Variants in PCDH15 observed in about 807,000 individuals in gnomAD.
PCDH15 encodes protocadherin-15.
Under a neutral mutation model 178.5 loss-of-function variants are expected in PCDH15, and 129 were observed. That is an observed-to-expected ratio of 0.72 (90% CI 0.63 to 0.84). PCDH15 has a LOEUF of 0.84. PCDH15 is among the 40% of genes least tolerant of loss of function. The pLI is 0.00. For synonymous variants in PCDH15, 800 were observed against 732.0 expected, an observed-to-expected ratio of 1.09 and a Z score of -1.50; for missense variants, 2,230 against 2,099.9, an observed-to-expected ratio of 1.06 and a Z score of -1.21.
chr10:54,323,658 T>C (rs2061745350), intron 7 of PCDH15, among the ~76,000 whole-genome samples: 1 of 152,020 alleles, frequency 6.6e-6, no homozygotes. Context: ...CAATGGGAGC[T>C]AAACACCAAG....
chr10:54,361,467 G>A (rs544110267), intron 5 of PCDH15, among the ~76,000 whole-genome samples: 2 of 152,060 alleles, frequency 1.3e-5, no homozygotes, highest in Non-Finnish European at 2.9e-5. Flanking sequence ...TCTATTCATT[G>A]CATGCACCCA....
chr10:54,245,903 TA>T (rs1418696124), intron 8 of PCDH15, among the ~76,000 whole-genome samples: 1 of 151,998 alleles, frequency 6.6e-6, no homozygotes, highest in Non-Finnish European at 1.5e-5. Context: ...TTTAAAAGAA[TA>T]AATTTCTTAT....
intron 2 of PCDH15, among the ~76,000 whole-genome samples, chr10:54,907,829 T>C (rs188595529): frequency 6.6e-6 from 1 of 152,250 alleles, no homozygotes; most frequent in African/African-American, 2.4e-5. Context: ...TTTTAAGAAA[T>C]TTGTATAGAT....
intron 2 of PCDH15, among the ~76,000 whole-genome samples, chr10:54,998,086 G>C (rs1262111199): frequency 1.3e-5 from 2 of 151,940 alleles, no homozygotes; most frequent in African/African-American, 4.8e-5. Context: ...TATAAAATGT[G>C]CCAAAGAAGA....
At chr10:54,191,223 T>C (rs2048959274) in intron 11 of PCDH15, among the ~76,000 whole-genome samples, 1 of 152,166 alleles carries the variant, frequency 6.6e-6, no homozygotes, top group South Asian at 2.1e-4. Flanking sequence ...TCTCAACAGA[T>C]GTAAACTCAT....
At chr10:55,358,302 C>G (rs533467781) in intron 2 of PCDH15, among the ~76,000 whole-genome samples, 4 of 152,192 alleles carry the variant, frequency 2.6e-5, no homozygotes, top group African/African-American at 9.6e-5. Context: ...GCATGATTCT[C>G]TATTAGCAAG....
chr10:54,902,368 G>A (rs937986301), intron 2 of PCDH15, among the ~76,000 whole-genome samples: 3 of 152,124 alleles, frequency 2.0e-5, no homozygotes, highest in African/African-American at 7.2e-5. Flanking sequence ...GAGATGATTG[G>A]ATTATGGGGT....
intron 26 of PCDH15, among the ~76,000 whole-genome samples, chr10:53,877,964 A>G (rs927755826): frequency 6.6e-6 from 1 of 152,104 alleles, no homozygotes; most frequent in East Asian, 1.9e-4. Context: ...GATGAATGTT[A>G]AAACAAGTCC....
At chr10:54,183,934 ATAT>A (rs2133805032) in intron 12 of PCDH15, among the ~76,000 whole-genome samples, 1 of 152,248 alleles carries the variant, frequency 6.6e-6, no homozygotes, top group East Asian at 1.9e-4. Context: ...TAATTGGAAA[ATAT>A]TATTTGCATT....
At chr10:54,162,017 G>A (rs978280795) in intron 13 of PCDH15, among the ~76,000 whole-genome samples, 2 of 152,098 alleles carry the variant, frequency 1.3e-5, no homozygotes, top group Non-Finnish European at 2.9e-5. Flanking sequence ...ATACATACAT[G>A]AGGACATGTA....
At chr10:54,887,774 C>T (rs930732007) in intron 3 of PCDH15, among the ~76,000 whole-genome samples, 4 of 39,812 alleles carry the variant, frequency 1.0e-4, no homozygotes, top group African/African-American at 2.3e-4. Context: ...AGTCTTAGTC[C>T]TTCCTTCAGT....
chr10:53,958,092 C>T (rs1337680418), intron 23 of PCDH15, among the ~76,000 whole-genome samples: 1 of 152,192 alleles, frequency 6.6e-6, no homozygotes, highest in Non-Finnish European at 1.5e-5. Flanking sequence ...CCTTATTCCT[C>T]AGTACCTTAG....
chr10:54,399,375 G>A (rs1000725844), intron 3 of PCDH15, among the ~76,000 whole-genome samples: 1 of 152,008 alleles, frequency 6.6e-6, no homozygotes, highest in Non-Finnish European at 1.5e-5. Flanking sequence ...CAATATTACA[G>A]TGTGATAATT....
chr10:54,852,855 A>AAAAATAAAAT (rs368212815), intron 3 of PCDH15, among the ~76,000 whole-genome samples: 29,207 of 147,128 alleles, frequency 0.2, 3,452 homozygotes, highest in East Asian at 0.46. Context: ...TCTGTCTCAA[A>AAAAATAAAAT]AAAATAAAAT....
At chr10:55,383,239 C>T (rs973846630) in intron 2 of PCDH15, among the ~76,000 whole-genome samples, 3 of 151,706 alleles carry the variant, frequency 2.0e-5, no homozygotes, top group South Asian at 2.1e-4. Flanking sequence ...TAAAGTTAAG[C>T]GGTGTCTATC....
intron 2 of PCDH15, among the ~76,000 whole-genome samples, chr10:55,625,498 C>A (rs1279239750): frequency 6.6e-6 from 1 of 152,112 alleles, no homozygotes; most frequent in Non-Finnish European, 1.5e-5. Flanking sequence ...ATTAATTGGA[C>A]CCTCTTGAAA....
intron 2 of PCDH15, among the ~76,000 whole-genome samples, chr10:55,619,206 A>G (rs1180234939): frequency 6.6e-6 from 1 of 152,060 alleles, no homozygotes; most frequent in Admixed American, 6.6e-5. Context: ...AAAAAAACAC[A>G]GGCATCAAGG....
chr10:54,647,835 A>T (rs928214690), intron 2 of PCDH15, among the ~76,000 whole-genome samples: 1 of 152,070 alleles, frequency 6.6e-6, no homozygotes, highest in African/African-American at 2.4e-5. Flanking sequence ...GAATGTTTTT[A>T]TCATATTCTT....
chr10:55,265,592 C>G (rs1042779448), intron 1 of PCDH15, among the ~76,000 whole-genome samples: 2 of 151,956 alleles, frequency 1.3e-5, no homozygotes, highest in Non-Finnish European at 2.9e-5. Flanking sequence ...TAAATGGGAT[C>G]CCAGTGACAA....
Sources: allele counts gnomAD v4.1 joint callset (sites outside exome capture counted in the v4.1 genomes callset), GRCh38; gene constraint gnomAD v4.1.1; transcripts MANE v1.5; gene names NCBI Gene and HGNC (gene_info 2026-07-23, HGNC 2026-07-21).